RASA4B: variants seen among roughly 807,000 people sequenced by gnomAD.
The protein encoded by RASA4B is RAS p21 protein activator 4B, also known as ras GTPase-activating protein 4B.
A neutral mutation model predicts 24.2 loss-of-function variants in RASA4B; 2 were observed. The ratio of observed to expected loss-of-function variants is 0.08; its 90% confidence interval spans 0.03 to 0.26. RASA4B has a LOEUF of 0.26. RASA4B is among the 10% of genes least tolerant of loss of function. The pLI, the probability that RASA4B is intolerant of heterozygous loss-of-function variation, is 1.00. For synonymous variants in RASA4B, 2 were observed against 125.6 expected (o/e 0.02, Z 6.58); for missense variants, 8 against 277.2 (o/e 0.03, Z 6.90).
At chr7:102,490,449 GA>G (rs1798885612) in intron 17 of RASA4B, among the ~76,000 whole-genome samples, 1 of 145,550 alleles carries the variant, frequency 6.9e-6, no homozygotes, top group Admixed American at 7.1e-5. Flanking sequence ...CAGTTATCTG[GA>G]AATAGTTTCC....
Position 102,480,317 on chromosome 7 carries a change from C to A in RASA4B, c.*3275G>T, listed in dbSNP as rs987216556. On this transcript the variant is annotated 3_prime_UTR_variant, in exon 21 of 21. Coordinates refer to ENST00000465829, the MANE Select transcript of RASA4B (RefSeq NM_001367767.2). Reference sequence around the variant, plus strand: ...GAGGTGGTGATCAGGGGGACCCATGCTTCTGCTCAGGGGGTTGGCAGAAGC... The same window carrying A: ...GAGGTGGTGATCAGGGGGACCCATGATTCTGCTCAGGGGGTTGGCAGAAGC... Among the ~76,000 whole-genome samples, 5 of 151,890 alleles carry A rather than the reference C, an allele frequency of 3.3e-5. No homozygotes were observed. The highest frequency in any genetic ancestry group is 1.2e-4 in the African/African-American group (5 of 41,398).
chr7:102,480,108 C>T lies in RASA4B; in HGVS notation c.*3484G>A, dbSNP rs1324756166. On this transcript the variant is annotated 3_prime_UTR_variant, in exon 21 of 21. Coordinates refer to ENST00000465829, the MANE Select transcript of RASA4B (RefSeq NM_001367767.2). The stretch of plus-strand genomic sequence containing the variant: ...AGTGACCAGAAGACAAGAGTGCGAG[C>T]TTTCTGTTATGCCCGGACAGGGCCA... Among the ~76,000 whole-genome samples the T allele has an allele frequency of 6.6e-6, 1 of 152,062 alleles. No individual in the cohort carries two copies. Among genetic ancestry groups the T allele is most frequent in the African/African-American group, 2.4e-5 (1 of 41,418 alleles).
chr7:102,511,604 C>A (rs1351428551), intron 2 of RASA4B, among the ~76,000 whole-genome samples: 1 of 55,476 alleles, frequency 1.8e-5, no homozygotes, highest in East Asian at 9.3e-4. Context: ...AAGAACTAAA[C>A]GGGCTGGAAA....
At chr7:102,507,472 T>C (rs1799560505) in intron 4 of RASA4B, among the ~76,000 whole-genome samples, 1 of 45,194 alleles carries the variant, frequency 2.2e-5, no homozygotes, top group African/African-American at 8.2e-5. Context: ...GATTGCGCCA[T>C]TGCACTCCAG....
chr7:102,498,579 C>T (rs1315292056), intron 8 of RASA4B, among the ~76,000 whole-genome samples: 7 of 141,974 alleles, frequency 4.9e-5, no homozygotes, highest in Admixed American at 1.4e-4. Context: ...GACGGAGTTT[C>T]GCTCTTGTCA....
At chr7:102,491,291 C>A (rs1309729961) in intron 16 of RASA4B, among the ~76,000 whole-genome samples, 168 bp from the exon 17 acceptor site, 1 of 19,036 alleles carries the variant, frequency 5.3e-5, no homozygotes, top group African/African-American at 6.4e-5. Context: ...TGCCCAGCAA[C>A]TGGGAGAGGA....
chr7:102,506,262 T>A (rs1359857875), intron 5 of RASA4B, among the ~76,000 whole-genome samples: 1 of 151,944 alleles, frequency 6.6e-6, no homozygotes, highest in Non-Finnish European at 1.5e-5. Flanking sequence ...TTCTTTTTTA[T>A]TTTTTTTGAG....
At chr7:102,489,692 A>G (rs1332555634) in intron 17 of RASA4B, among the ~76,000 whole-genome samples, 8 of 148,796 alleles carry the variant, frequency 5.4e-5, no homozygotes, top group African/African-American at 2.0e-4. Flanking sequence ...TCTTAATAGG[A>G]CAGACCGCTC....
rs1407510521 is a variant in RASA4B at position 102,480,173 on chromosome 7, G to T, written c.*3419C>A. On this transcript the variant is annotated 3_prime_UTR_variant, in exon 21 of 21. Coordinates refer to ENST00000465829, the MANE Select transcript of RASA4B (RefSeq NM_001367767.2). ...GGTCTAGCGGTAACGCCAGCATCTG[G>T]GAAGACACCTGTTGCCAAGCCCACC... Among the ~76,000 whole-genome samples the T allele has an allele frequency of 6.6e-6, 1 of 152,226 alleles. No homozygotes were observed. The highest frequency in any genetic ancestry group is 2.1e-4 in the South Asian group (1 of 4,830).
chr7:102,487,231 C>T (rs1260843382), intron 18 of RASA4B, among the ~76,000 whole-genome samples: 5 of 96,534 alleles, frequency 5.2e-5, no homozygotes, highest in African/African-American at 1.5e-4. Flanking sequence ...TTGGAGGCTG[C>T]AGTGAGCTAT....
In RASA4B at chr7:102,480,101, G is replaced by C. The variant is rs373764675; in HGVS notation, c.*3491C>G. Among the ~76,000 whole-genome samples the C allele has an allele frequency of 1.2e-3, 176 of 152,162 alleles. 1 individual carries two copies. The highest frequency in any genetic ancestry group is 3.9e-3 in the African/African-American group (163 of 41,542). ...AATGAGGAGTGACCAGAAGACAAGA[G>C]TGCGAGCTTTCTGTTATGCCCGGAC... is the stretch of plus-strand genomic sequence containing the variant. On this transcript the variant is annotated 3_prime_UTR_variant, in exon 21 of 21. Coordinates refer to ENST00000465829, the MANE Select transcript of RASA4B (RefSeq NM_001367767.2).
intron 17 of RASA4B, among the ~76,000 whole-genome samples, chr7:102,489,639 C>A (rs1345237895): frequency 6.7e-5 from 10 of 149,446 alleles, no homozygotes; most frequent in Non-Finnish European, 1.3e-4. Context: ...ACTACAGGCA[C>A]CCACCACCAC....
intron 8 of RASA4B, among the ~76,000 whole-genome samples, chr7:102,498,236 A>G (rs1176053107): frequency 6.7e-6 from 1 of 149,042 alleles, no homozygotes; most frequent in African/African-American, 2.4e-5. Context: ...TGTCTCAAAT[A>G]GTGCATGGTC....
chr7:102,511,634 A>G (rs955539926), intron 2 of RASA4B, among the ~76,000 whole-genome samples: 1 of 38,116 alleles, frequency 2.6e-5, no homozygotes, highest in Non-Finnish European at 5.6e-5. Context: ...TCCACAAATG[A>G]GAGTTGTTGT....
intron 16 of RASA4B, among the ~76,000 whole-genome samples, chr7:102,492,729 A>C (rs1798997949): frequency 1.2e-5 from 1 of 85,290 alleles, no homozygotes; most frequent in Non-Finnish European, 3.1e-5. Flanking sequence ...CAGTGGCACG[A>C]TCTCGGCTCA....
chr7:102,511,484 C>G (rs1401971469), intron 2 of RASA4B, among the ~76,000 whole-genome samples: 1 of 117,808 alleles, frequency 8.5e-6, no homozygotes, highest in African/African-American at 3.0e-5. Flanking sequence ...CCAGTTGTGG[C>G]TCTGCCACTT....
Position 102,481,554 on chromosome 7 carries a change from A to G in RASA4B, c.*2038T>C, listed in dbSNP as rs1212745305. ...GTGGCACACGCCTTTAGTCCCAGCT[A>G]CTCGGGAGGCTGAGGCAAGAGAATT... is the stretch of plus-strand genomic sequence containing the variant. On this transcript the variant is annotated 3_prime_UTR_variant, in exon 21 of 21. Coordinates refer to ENST00000465829, the MANE Select transcript of RASA4B (RefSeq NM_001367767.2). Among the ~76,000 whole-genome samples, 4 of 122,338 alleles carry G rather than the reference A, an allele frequency of 3.3e-5. No individual in the cohort carries two copies. The highest frequency in any genetic ancestry group is 1.1e-4 in the African/African-American group (4 of 35,304). 80.3% of individuals were successfully genotyped at this position (122,338 alleles called of 152,430 possible).
rs1799361353 is a variant in RASA4B at position 102,502,673 on chromosome 7, T to C, written c.510+490A>G. ...TACTCGTGTGGCTGAGGCAGGAGAA[T>C]CTCTCCAACTGGGAAGGCAGAGCCT... On this transcript the variant is annotated intron_variant, in intron 6 of 20. Transcript: ENST00000465829. Among the ~76,000 whole-genome samples, 2 of 113,226 alleles carry C rather than the reference T, an allele frequency of 1.8e-5. 1 individual carries two copies. Among genetic ancestry groups the C allele is most frequent in the African/African-American group, 5.4e-5 (2 of 37,318 alleles). 74.3% of individuals were successfully genotyped at this position (113,226 alleles called of 152,430 possible).
intron 8 of RASA4B, among the ~76,000 whole-genome samples, chr7:102,498,652 C>A (rs1799258189): frequency 8.5e-6 from 1 of 117,148 alleles, no homozygotes; most frequent in African/African-American, 3.0e-5. Flanking sequence ...TGGGTTCCAG[C>A]AATTATCCTG....
Sources: gnomAD v4.1 joint callset for allele counts (sites outside exome capture counted in the v4.1 genomes callset) on GRCh38, gnomAD v4.1.1 for gene constraint, MANE v1.5 for transcripts, NCBI Gene and HGNC (gene_info 2026-07-23, HGNC 2026-07-21) for gene names.